Variants in RHOU observed in about 807,000 individuals in gnomAD.
RHOU encodes ras homolog family member U.
RHOU carries 8 observed loss-of-function variants against 12.6 expected under a neutral mutation model. That is an observed-to-expected ratio of 0.64 (90% CI 0.37 to 1.15). The LOEUF (loss-of-function observed/expected upper bound fraction) is 1.15. RHOU is among the 50% of genes most tolerant of loss of function. The pLI, the probability that RHOU is intolerant of heterozygous loss-of-function variation, is 0.01. For synonymous variants in RHOU, 161 were observed against 147.4 expected (o/e 1.09, Z -0.67); for missense variants, 258 against 347.0 (o/e 0.74, Z 2.04).
upstream of RHOU, among the ~76,000 whole-genome samples, chr1:228,734,397 A>G (rs554265057): frequency 3.9e-5 from 6 of 152,296 alleles, no homozygotes; most frequent in South Asian, 1.2e-3. Flanking sequence ...GATTTTGGTT[A>G]GAAGCTCAGG....
chr1:228,727,879 G>T, the RHOU span, among the ~76,000 whole-genome samples: 1 of 152,166 alleles, frequency 6.6e-6, no homozygotes, highest in Non-Finnish European at 1.5e-5. Flanking sequence ...GCTAAGAGGG[G>T]TTTCTAATGA....
chr1:228,711,060 T>G, the RHOU span, among the ~76,000 whole-genome samples: 1 of 152,012 alleles, frequency 6.6e-6, no homozygotes, highest in Non-Finnish European at 1.5e-5. Flanking sequence ...CATTCACAAT[T>G]GCTTCAAAGA....
At chr1:228,657,795 A>T in the RHOU span, among the ~76,000 whole-genome samples, 1 of 152,208 alleles carries the variant, frequency 6.6e-6, no homozygotes, top group Non-Finnish European at 1.5e-5. Context: ...TAGTCTCAGT[A>T]AATTTTAAAA....
At chr1:228,697,863 G>C in the RHOU span, among the ~76,000 whole-genome samples, 5 of 152,238 alleles carry the variant, frequency 3.3e-5, no homozygotes, top group South Asian at 1.0e-3. Context: ...CAAGATTTTT[G>C]GGGTGACTAG....
the RHOU span, chr1:228,650,596 C>T: frequency 4.6e-5 from 21 of 454,308 alleles, no homozygotes; most frequent in Admixed American, 2.5e-4. Flanking sequence ...CTCCTGCTGG[C>T]GGGTCTACTT....
At chr1:228,715,658 T>A in the RHOU span, among the ~76,000 whole-genome samples, 1 of 152,204 alleles carries the variant, frequency 6.6e-6, no homozygotes, top group Non-Finnish European at 1.5e-5. Flanking sequence ...TCTTAAGATG[T>A]ACCGTATTGA....
chr1:228,745,681 A>T lies in RHOU; in HGVS notation c.*1941A>T, dbSNP rs1662817268. ...TGATTTGTGGAAATGCTTAAAATAG[A>T]CCTAACTGAATACAGTCTCATCTTG... On this transcript the variant is annotated 3_prime_UTR_variant, in exon 3 of 3. Transcript: ENST00000366691. 6.6e-6 allele frequency: 1 copy of T among 152,176 alleles called. No homozygotes were observed. 9.4% of individuals were successfully genotyped at this position (152,176 alleles called of 1,614,324 possible). A position where few individuals can be genotyped will look rare whatever the true frequency, so the allele number is the denominator to read the frequency against.
chr1:228,720,315 G>A, the RHOU span, among the ~76,000 whole-genome samples: 1 of 152,140 alleles, frequency 6.6e-6, no homozygotes, highest in Non-Finnish European at 1.5e-5. Flanking sequence ...CATAGCATAA[G>A]CATAGAAGAA....
chr1:228,691,751 T>A, the RHOU span, among the ~76,000 whole-genome samples: 2 of 152,200 alleles, frequency 1.3e-5, no homozygotes. Flanking sequence ...CAGGCTATAA[T>A]TTTTCATCCT....
chr1:228,654,669 T>C, the RHOU span, among the ~76,000 whole-genome samples: 1 of 152,240 alleles, frequency 6.6e-6, no homozygotes, highest in African/African-American at 2.4e-5. Flanking sequence ...ATTTCACGAT[T>C]GTAGCTACTG....
the RHOU span, among the ~76,000 whole-genome samples, chr1:228,660,858 A>G: frequency 6.6e-6 from 1 of 150,478 alleles, no homozygotes; most frequent in Non-Finnish European, 1.5e-5. Context: ...GCTTGAACCC[A>G]GGAGGCAGAG....
chr1:228,703,202 A>G, the RHOU span, among the ~76,000 whole-genome samples: 4 of 152,272 alleles, frequency 2.6e-5, no homozygotes, highest in African/African-American at 9.6e-5. Context: ...TCAAATGGAA[A>G]TTTCTTTTAG....
the RHOU span, among the ~76,000 whole-genome samples, chr1:228,707,253 A>T: frequency 2.6e-5 from 2 of 77,136 alleles, no homozygotes; most frequent in South Asian, 4.0e-4. Flanking sequence ...ATATATATAT[A>T]TAGTGTGTGT....
chr1:228,652,412 C>A, the RHOU span: 1 of 151,986 alleles, frequency 6.6e-6, no homozygotes, highest in African/African-American at 2.4e-5. Flanking sequence ...ATAAAAATAG[C>A]AAAAAGGAAA....
In RHOU at chr1:228,745,789, A is replaced by T. The variant is rs1001554138; in HGVS notation, c.*2049A>T. Reference sequence around the variant, plus strand: ...TCTGGTGCCTGGAGGTGTGGGAGGGAAGATGAGTTATTTAACTGGTAAGCG... The same window carrying T: ...TCTGGTGCCTGGAGGTGTGGGAGGGTAGATGAGTTATTTAACTGGTAAGCG... On this transcript the variant is annotated 3_prime_UTR_variant, in exon 3 of 3. Transcript: ENST00000366691. The T allele has an allele frequency of 4.6e-5, 7 of 152,270 alleles. No homozygotes were observed. The highest frequency in any genetic ancestry group is 1.4e-4 in the African/African-American group (6 of 41,542). 9.4% of individuals were successfully genotyped at this position (152,270 alleles called of 1,614,324 possible). A position where few individuals can be genotyped will look rare whatever the true frequency, so the allele number is the denominator to read the frequency against.
the RHOU span, among the ~76,000 whole-genome samples, chr1:228,702,051 A>G: frequency 6.6e-6 from 1 of 152,074 alleles, no homozygotes; most frequent in Non-Finnish European, 1.5e-5. Context: ...ATCTACATAT[A>G]TTTAGCTTTT....
At chr1:228,740,959 G>A (rs1558086873) in intron 2 of RHOU, among the ~76,000 whole-genome samples, 1 of 152,100 alleles carries the variant, frequency 6.6e-6, no homozygotes, top group Non-Finnish European at 1.5e-5. Flanking sequence ...CAGACTGGAG[G>A]CTTGAAAAAA....
At chr1:228,681,034 T>C in the RHOU span, among the ~76,000 whole-genome samples, 1 of 152,078 alleles carries the variant, frequency 6.6e-6, no homozygotes. Flanking sequence ...GGGGAGAGGG[T>C]AGAAGTTAGG....
the RHOU span, among the ~76,000 whole-genome samples, chr1:228,711,343 A>G: frequency 6.6e-6 from 1 of 152,180 alleles, no homozygotes; most frequent in African/African-American, 2.4e-5. Context: ...AAGAGCCCGC[A>G]TCGCCAAGTC....
Sources: gnomAD v4.1 joint callset for allele counts (sites outside exome capture counted in the v4.1 genomes callset) on GRCh38, gnomAD v4.1.1 for gene constraint, MANE v1.5 for transcripts, NCBI Gene and HGNC (gene_info 2026-07-23, HGNC 2026-07-21) for gene names.